The following CHRDL1 variants were observed in gnomAD, a reference collection of about 807,000 sequenced individuals.
The protein encoded by CHRDL1 is chordin-like protein 1.
A neutral mutation model predicts 40.9 loss-of-function variants in CHRDL1; 19 were observed. The ratio of observed to expected loss-of-function variants is 0.46; its 90% CI spans 0.32 to 0.68. The LOEUF is 0.68. Among genes scored for constraint, CHRDL1 ranks in the 30% least tolerant of loss-of-function variants. The pLI is 0.03. For missense variants in CHRDL1, 329 were observed against 352.1 expected, an observed-to-expected ratio of 0.93 and a Z score of 0.53; for synonymous variants, 136 against 123.4, an observed-to-expected ratio of 1.10 and a Z score of -0.68.
chrX:110,679,281 TA>T, intron 11 of CHRDL1, 54 bp downstream of exon 11: 1 of 866,966 alleles, frequency 1.2e-6, no homozygotes, highest in Non-Finnish European at 1.7e-6. Context: ...GTGGCTATGC[TA>T]AATTGAAAAC....
In CHRDL1 at chrX:110,705,558, A is replaced by G. The variant is rs536600583; in HGVS notation, c.542-4837T>C. ...ATGTTATATATATCATACAGGTTTT[A>G]GTATTCCTAGTCTAAAATGCTCCAG... On this transcript the variant is annotated intron_variant, in intron 6 of 11. Transcript: ENST00000372042. 1.6e-4 allele frequency among the ~76,000 whole-genome samples: 17 copies of G among 103,049 alleles called. No homozygotes were observed. The South Asian group carries it at 7.1e-3, about 43-fold the overall frequency. The allele number at this position is 103,049 out of a possible 115,157, so 89.5% of individuals were successfully genotyped here.
At position 110,750,945 on chromosome X, in the gene CHRDL1, A is replaced by G. The variant is rs1466497545; in HGVS notation, c.301+8716T>C. On this transcript the variant is annotated intron_variant, in intron 4 of 11. Transcript: ENST00000372042. ...GAAACAATGTTGTCATGTTGCCCAC[A>G]GCCCTCTGGAGATCCCACTGCTGCA... 2.7e-5 allele frequency among the ~76,000 whole-genome samples: 3 copies of G among 111,990 alleles called. No homozygotes were observed. In the East Asian group the frequency reaches 8.5e-4, roughly 32 times the overall value.
chrX:110,767,915 T>C (rs1368079296), intron 2 of CHRDL1, among the ~76,000 whole-genome samples: 2 of 111,947 alleles, frequency 1.8e-5, no homozygotes, highest in African/African-American at 6.5e-5. Context: ...AGAGCCTGCA[T>C]AGCCAAAGCA....
chrX:110,704,212 G>T (rs771785040), intron 6 of CHRDL1, among the ~76,000 whole-genome samples: 16 of 111,275 alleles, frequency 1.4e-4, no homozygotes, highest in Non-Finnish European at 2.8e-4. Flanking sequence ...CATATTGCAT[G>T]CCTGTATCAA....
chrX:110,740,996 G>C (rs781132864), intron 4 of CHRDL1, among the ~76,000 whole-genome samples: 1 of 112,002 alleles, frequency 8.9e-6, no homozygotes, highest in Admixed American at 9.4e-5. Flanking sequence ...TATACTATTT[G>C]GCCCTTTACA....
intron 4 of CHRDL1, among the ~76,000 whole-genome samples, chrX:110,734,150 T>C (rs1375823500): frequency 9.0e-6 from 1 of 111,193 alleles, no homozygotes; most frequent in Admixed American, 9.5e-5. Context: ...ACAGAATCGA[T>C]TTCTTCTGGG....
Position 110,689,834 on chromosome X carries a change from T to C in CHRDL1, c.779-1031A>G, listed in dbSNP as rs1225588784. Among the ~76,000 whole-genome samples the C allele has an allele frequency of 4.3e-5, 3 of 69,655 alleles. No individual in the cohort carries two copies. The East Asian group carries it at 1.0e-3, about 24-fold the overall frequency. 60.5% of individuals were successfully genotyped at this position (69,655 alleles called of 115,157 possible). A position where few individuals can be genotyped will look rare whatever the true frequency, so the allele number is the denominator to read the frequency against. ...ATATATATCTATATATCTATATATCTATATATATCTATATATCTATATATA... is the reference window on the plus strand; with the variant it reads ...ATATATATCTATATATCTATATATCCATATATATCTATATATCTATATATA... On this transcript the variant is annotated intron_variant, in intron 8 of 11. Transcript: ENST00000372042.
chrX:110,733,584 T>TC (rs2071207072), intron 4 of CHRDL1, among the ~76,000 whole-genome samples: 1 of 111,223 alleles, frequency 9.0e-6, no homozygotes, highest in African/African-American at 3.3e-5. Context: ...GCCTTCTACT[T>TC]CTCTATCTCC....
intron 11 of CHRDL1, 94 bp downstream of exon 11, chrX:110,679,242 T>C: frequency 1.6e-6 from 1 of 611,061 alleles, no homozygotes; most frequent in Non-Finnish European, 2.8e-6. Flanking sequence ...AGTGCTAATG[T>C]TCACTGAGAT....
intron 2 of CHRDL1, among the ~76,000 whole-genome samples, chrX:110,763,209 C>T (rs1738421): frequency 0.11 from 12,181 of 109,599 alleles, 1,684 homozygotes; most frequent in African/African-American, 0.39. Context: ...ATTTGTGAGA[C>T]CCTGGTGCAT....
At chrX:110,710,951 C>T (rs1056286119) in intron 6 of CHRDL1, among the ~76,000 whole-genome samples, 6 of 111,628 alleles carry the variant, frequency 5.4e-5, no homozygotes, top group Non-Finnish European at 1.1e-4. Flanking sequence ...CGACCCCCCA[C>T]AGATGCCAAA....
chrX:110,705,552 G>A (rs2070620866), intron 6 of CHRDL1, among the ~76,000 whole-genome samples: 1 of 102,201 alleles, frequency 9.8e-6, no homozygotes, highest in African/African-American at 3.5e-5. Context: ...ATATCATACA[G>A]GTTTTAGTAT....
At chrX:110,694,419 T>G in intron 7 of CHRDL1, 88 bp from the exon 8 acceptor site, 1 of 728,356 alleles carries the variant, frequency 1.4e-6, no homozygotes, top group East Asian at 3.4e-5. Context: ...TTCAATAATT[T>G]TGATTTATAG....
At chrX:110,768,878 C>T (rs752436176) in intron 2 of CHRDL1, among the ~76,000 whole-genome samples, 1 of 110,986 alleles carries the variant, frequency 9.0e-6, no homozygotes, top group East Asian at 2.9e-4. Context: ...TTAATAAACT[C>T]CCTTTCATGT....
intron 2 of CHRDL1, among the ~76,000 whole-genome samples, chrX:110,773,401 T>C (rs1302426160): frequency 8.9e-6 from 1 of 112,083 alleles, no homozygotes; most frequent in Non-Finnish European, 1.9e-5. Context: ...TTTCTGTTAC[T>C]GATTTCTAGT....
intron 2 of CHRDL1, among the ~76,000 whole-genome samples, chrX:110,781,802 G>A (rs751937069): frequency 5.4e-5 from 6 of 111,985 alleles, no homozygotes; most frequent in Admixed American, 1.9e-4. Context: ...GATGTGATGA[G>A]GAAGGTATTC....
At chrX:110,785,337 T>C (rs2090001650) in intron 2 of CHRDL1, among the ~76,000 whole-genome samples, 1 of 111,844 alleles carries the variant, frequency 8.9e-6, no homozygotes, top group Admixed American at 9.5e-5. Flanking sequence ...ATACTGCATG[T>C]TCTCACTTAC....
At chrX:110,770,145 T>C (rs990614284) in intron 2 of CHRDL1, among the ~76,000 whole-genome samples, 2 of 112,463 alleles carry the variant, frequency 1.8e-5, no homozygotes, top group Middle Eastern at 4.7e-3. Flanking sequence ...CAAACCCTGA[T>C]AACCTTTTCA....
chrX:110,778,320 C>A (rs751486461), intron 2 of CHRDL1, among the ~76,000 whole-genome samples: 45 of 111,953 alleles, frequency 4.0e-4, no homozygotes, highest in Admixed American at 9.5e-4. Context: ...AACAGATAGC[C>A]TACAGAATGG....
Sources: allele counts gnomAD v4.1 joint callset (sites outside exome capture counted in the v4.1 genomes callset), GRCh38; gene constraint gnomAD v4.1.1; transcripts MANE v1.5; gene names NCBI Gene and HGNC (gene_info 2026-07-23, HGNC 2026-07-21).